The following ERC2 variants were observed in gnomAD, a reference collection of about 807,000 sequenced individuals.
ERC2 encodes ERC protein 2.
In ERC2, 42 loss-of-function variants were observed where a neutral mutation model predicts 114.8. The observed-to-expected ratio is 0.37, with a 90% CI of 0.29 to 0.47. ERC2 has a LOEUF of 0.47. ERC2 is among the 20% of genes least tolerant of loss of function. The pLI is 0.99. For synonymous variants in ERC2, 454 were observed against 425.5 expected (o/e 1.07, Z -0.82); for missense variants, 939 against 1,150.7 (o/e 0.82, Z 2.66).
At chr3:56,321,024 G>A (rs1275278208) in intron 2 of ERC2, among the ~76,000 whole-genome samples, 1 of 152,122 alleles carries the variant, frequency 6.6e-6, no homozygotes, top group East Asian at 1.9e-4. Context: ...TGAACCATAC[G>A]CTGTCTTGCT....
chr3:56,307,839 C>T lies in ERC2; in HGVS notation c.658-11404G>A, dbSNP rs1263268367. Among the ~76,000 whole-genome samples, 12 of 148,948 alleles carry T rather than the reference C, an allele frequency of 8.1e-5. 1 individual carries two copies. Among genetic ancestry groups the T allele is most frequent in the South Asian group, 4.2e-4 (2 of 4,766 alleles). On this transcript the variant is annotated intron_variant, in intron 2 of 17. Transcript: ENST00000288221. ...CTATACACACACTTGCACACACACA[C>T]ACACACACACACACACACACACAGA...
chr3:55,703,494 C>T (rs1036281444), intron 15 of ERC2, among the ~76,000 whole-genome samples: 2 of 152,262 alleles, frequency 1.3e-5, no homozygotes. Flanking sequence ...TAGCCACCCC[C>T]CTGGGTCTCT....
At chr3:56,300,543 A>C (rs973862903) in intron 2 of ERC2, among the ~76,000 whole-genome samples, 8 of 152,290 alleles carry the variant, frequency 5.3e-5, no homozygotes, top group African/African-American at 1.9e-4. Context: ...AAGAGAAGAG[A>C]AACTGTAAAA....
intron 14 of ERC2, among the ~76,000 whole-genome samples, chr3:55,834,796 C>A (rs1312986381): frequency 8.9e-6 from 1 of 111,750 alleles, no homozygotes; most frequent in Admixed American, 8.3e-5. Flanking sequence ...CACAAAAAAC[C>A]CTTCAAAACC....
rs184274405 is a variant in ERC2, at chr3:56,458,653, G to A, written c.-141+9595C>T. Among the ~76,000 whole-genome samples, 346 of 152,130 alleles carry A rather than the reference G, an allele frequency of 2.3e-3. 5 individuals carry two copies. Among genetic ancestry groups the A allele is most frequent in the Non-Finnish European group, 5.0e-4 (34 of 68,012 alleles). On this transcript the variant is annotated intron_variant, in intron 1 of 17. Coordinates refer to ENST00000288221, the MANE Select transcript of ERC2 (RefSeq NM_015576.3). ...TTCAACAAGCCCATACGAATGCCAC[G>A]CTGTTATCCCACTCACTACCCAACC... is the stretch of plus-strand genomic sequence containing the variant.
At chr3:55,932,434 A>G (rs1444346345) in intron 13 of ERC2, among the ~76,000 whole-genome samples, 1 of 152,190 alleles carries the variant, frequency 6.6e-6, no homozygotes, top group Admixed American at 6.5e-5. Context: ...GATGGATATC[A>G]TGTTTTCTTA....
intron 17 of ERC2, among the ~76,000 whole-genome samples, chr3:55,628,712 G>A (rs941921145): frequency 3.9e-5 from 6 of 152,128 alleles, no homozygotes; most frequent in South Asian, 4.2e-4. Flanking sequence ...GATGAAAAGC[G>A]GAAGGCTTCT....
intron 17 of ERC2, among the ~76,000 whole-genome samples, chr3:55,636,798 A>C (rs980558841): frequency 6.6e-6 from 1 of 152,228 alleles, no homozygotes; most frequent in East Asian, 1.9e-4. Context: ...CCGCAGCCCT[A>C]CGGTTTGCAG....
At chr3:56,434,147 G>T (rs1377307560) in intron 2 of ERC2, 30 of 488,958 alleles carry the variant, frequency 6.1e-5, no homozygotes, top group East Asian at 1.1e-4. Context: ...CATGTGAAAA[G>T]GTTATCGGAA....
chr3:55,607,394 C>T (rs1464359798), intron 17 of ERC2, among the ~76,000 whole-genome samples: 4 of 152,032 alleles, frequency 2.6e-5, no homozygotes, highest in South Asian at 4.2e-4. Flanking sequence ...TCAGCACGTG[C>T]GAGATTCCTG....
chr3:56,414,300 G>A (rs1293743710), intron 2 of ERC2, among the ~76,000 whole-genome samples: 1 of 152,120 alleles, frequency 6.6e-6, no homozygotes, highest in Non-Finnish European at 1.5e-5. Context: ...TCTGACTTTT[G>A]AGAATTAACC....
intron 7 of ERC2, among the ~76,000 whole-genome samples, chr3:56,048,559 C>T (rs184002691): frequency 4.6e-5 from 7 of 152,288 alleles, no homozygotes; most frequent in African/African-American, 1.7e-4. Context: ...ACCGCAGGTC[C>T]AGTCTCAGTG....
At chr3:55,909,201 C>A (rs2064652868) in intron 13 of ERC2, among the ~76,000 whole-genome samples, 1 of 152,190 alleles carries the variant, frequency 6.6e-6, no homozygotes, top group Admixed American at 6.5e-5. Context: ...CCTTTCATAT[C>A]CGTGTTTCGG....
At chr3:55,659,983 T>A (rs2061052216) in intron 17 of ERC2, among the ~76,000 whole-genome samples, 1 of 152,128 alleles carries the variant, frequency 6.6e-6, no homozygotes, top group African/African-American at 2.4e-5. Context: ...AATTGCTTGC[T>A]TTTCTGTGCT....
intron 3 of ERC2, among the ~76,000 whole-genome samples, chr3:56,205,476 C>T (rs1414144359): frequency 6.6e-6 from 1 of 152,106 alleles, no homozygotes; most frequent in Non-Finnish European, 1.5e-5. Context: ...ACTCTTGCCC[C>T]GTAACAAGAC....
intron 2 of ERC2, among the ~76,000 whole-genome samples, chr3:56,362,267 C>CAG (rs1042632866): frequency 1.3e-5 from 2 of 152,160 alleles, no homozygotes; most frequent in Non-Finnish European, 2.9e-5. Flanking sequence ...CAAGGTTCCT[C>CAG]AGAGATCATT....
At chr3:55,962,122 G>A (rs2068427737) in intron 12 of ERC2, among the ~76,000 whole-genome samples, 1 of 152,124 alleles carries the variant, frequency 6.6e-6, no homozygotes, top group Non-Finnish European at 1.5e-5. Context: ...GGAAATCTAA[G>A]AGGCCGAGGT....
intron 15 of ERC2, among the ~76,000 whole-genome samples, chr3:55,701,602 T>C (rs2063228719): frequency 6.6e-6 from 1 of 151,950 alleles, no homozygotes. Context: ...AAAGAGCCAC[T>C]TAAAATTAAA....
At chr3:56,008,986 T>C (rs982223906) in intron 9 of ERC2, among the ~76,000 whole-genome samples, 1 of 152,224 alleles carries the variant, frequency 6.6e-6, no homozygotes, top group African/African-American at 2.4e-5. Context: ...GTTCTGTTTT[T>C]CTTGCAGAAC....
Sources: gnomAD v4.1 joint callset for allele counts (sites outside exome capture counted in the v4.1 genomes callset) on GRCh38, gnomAD v4.1.1 for gene constraint, MANE v1.5 for transcripts, NCBI Gene and HGNC (gene_info 2026-07-23, HGNC 2026-07-21) for gene names.